Variants in CDH18 observed in about 807,000 individuals in gnomAD.
The protein encoded by CDH18 is cadherin-18.
A neutral mutation model predicts 67.9 loss-of-function variants in CDH18; 31 were observed. The observed-to-expected ratio is 0.46, with a 90% confidence interval of 0.34 to 0.62. The LOEUF (loss-of-function observed/expected upper bound fraction) is 0.62. Among genes scored for constraint, CDH18 ranks in the 20% least tolerant of loss-of-function variants. The probability of loss-of-function intolerance (pLI) is 0.01; values close to 1 mark genes in which losing one functional copy is unlikely to be tolerated. For synonymous variants in CDH18, 362 were observed against 347.2 expected, an observed-to-expected ratio of 1.04 and a Z score of -0.48; for missense variants, 890 against 975.5, an observed-to-expected ratio of 0.91 and a Z score of 1.17.
intron 2 of CDH18, among the ~76,000 whole-genome samples, chr5:20,001,089 A>G (rs1579998288): frequency 2.6e-5 from 4 of 152,340 alleles, no homozygotes; most frequent in Admixed American, 6.5e-5. Flanking sequence ...AGAGATTTAC[A>G]TATTCTACAG....
intron 1 of CDH18, among the ~76,000 whole-genome samples, chr5:20,462,419 A>C (rs1164441766): frequency 2.6e-5 from 4 of 152,158 alleles, no homozygotes; most frequent in African/African-American, 9.7e-5. Context: ...TACAAGTTCT[A>C]ATGTTTGATA....
At chr5:20,287,201 A>G (rs1224923869) in intron 1 of CDH18, among the ~76,000 whole-genome samples, 1 of 151,740 alleles carries the variant, frequency 6.6e-6, no homozygotes, top group Non-Finnish European at 1.5e-5. Context: ...TATTTCACTA[A>G]CCATTACTAT....
intron 5 of CDH18, among the ~76,000 whole-genome samples, chr5:19,619,200 T>C (rs964960659): frequency 2.0e-5 from 3 of 152,176 alleles, no homozygotes; most frequent in African/African-American, 7.2e-5. Context: ...CATTCATCAT[T>C]GGCAATTCGA....
At chr5:20,275,630 TG>T (rs1450274266) in intron 1 of CDH18, among the ~76,000 whole-genome samples, 2 of 151,934 alleles carry the variant, frequency 1.3e-5, no homozygotes, top group African/African-American at 4.8e-5. Flanking sequence ...AAGGGGGAGG[TG>T]GAGCAAGGTG....
intron 1 of CDH18, among the ~76,000 whole-genome samples, chr5:20,275,815 A>T (rs1745767771): frequency 6.6e-6 from 1 of 152,164 alleles, no homozygotes; most frequent in Non-Finnish European, 1.5e-5. Context: ...GACAGTCTTG[A>T]ATTGCTCCTA....
At position 20,392,343 on chromosome 5, in the gene CDH18, A is replaced by G. The variant is rs75929633; in HGVS notation, c.-579-136838T>C. 3.9e-3 allele frequency among the ~76,000 whole-genome samples: 590 copies of G among 151,930 alleles called. 8 individuals are homozygous for G. The highest frequency in any genetic ancestry group is 0.014 in the African/African-American group (564 of 41,528). ...CAATGTCAAACAAGAGAAATTATAG[A>G]AAAAAACTATTCATTTTTATGTTTA... On this transcript the variant is annotated intron_variant, in intron 1 of 14. Coordinates refer to the CDH18 transcript ENST00000507958.
intron 2 of CDH18, among the ~76,000 whole-genome samples, chr5:20,242,442 G>T (rs1184031351): frequency 1.3e-5 from 2 of 150,874 alleles, no homozygotes; most frequent in Admixed American, 1.3e-4. Flanking sequence ...AACTTTTAAA[G>T]ATTGCACATA....
chr5:20,227,356 T>C (rs1475330458), intron 2 of CDH18, among the ~76,000 whole-genome samples: 1 of 152,116 alleles, frequency 6.6e-6, no homozygotes, highest in Non-Finnish European at 1.5e-5. Context: ...CACAGTTTAT[T>C]TCCACACTCC....
chr5:19,798,474 A>C (rs957620190), intron 3 of CDH18, among the ~76,000 whole-genome samples: 18 of 152,060 alleles, frequency 1.2e-4, no homozygotes, highest in Admixed American at 6.6e-5. Flanking sequence ...CTCATACCTG[A>C]TAAGCATTTT....
chr5:19,560,311 A>G (rs1461761360), intron 8 of CDH18, among the ~76,000 whole-genome samples: 1 of 152,094 alleles, frequency 6.6e-6, no homozygotes, highest in Non-Finnish European at 1.5e-5. Flanking sequence ...GGTATAAAAA[A>G]TAGGCACATA....
chr5:19,979,215 AGTGTGTGTGTGT>A (rs113093535), intron 2 of CDH18, among the ~76,000 whole-genome samples: 1 of 146,944 alleles, frequency 6.8e-6, no homozygotes, highest in Non-Finnish European at 1.5e-5. Context: ...GTGGGGATGG[AGTGTGTGTGTGT>A]GTGTGTGTGT....
intron 1 of CDH18, among the ~76,000 whole-genome samples, chr5:20,468,036 A>G (rs1751778623): frequency 8.2e-6 from 1 of 121,380 alleles, no homozygotes; most frequent in Non-Finnish European, 1.8e-5. Flanking sequence ...TATTTTTGAG[A>G]CAGAGTCTAA....
intron 2 of CDH18, among the ~76,000 whole-genome samples, chr5:20,056,081 T>G (rs1741882824): frequency 7.1e-6 from 1 of 141,622 alleles, no homozygotes; most frequent in African/African-American, 2.6e-5. Context: ...CTTGGCTCAC[T>G]ATAACCTCTG....
In CDH18 at chr5:19,900,550, T is replaced by A. The variant is rs1407047249; in HGVS notation, c.-256-61308A>T. ...AATGTGTACATGTATTAAAACATCA[T>A]CTTGCACTTCATACATATGTACACT... On this transcript the variant is annotated intron_variant, in intron 2 of 12. Coordinates refer to ENST00000382275, the MANE Select transcript of CDH18 (RefSeq NM_004934.5). Among the ~76,000 whole-genome samples, 16 of 152,270 alleles carry A rather than the reference T, an allele frequency of 1.1e-4. No individual in the cohort carries two copies. The South Asian group carries it at 3.1e-3, about 30-fold the overall frequency.
intron 2 of CDH18, among the ~76,000 whole-genome samples, chr5:20,229,372 CCAAA>C (rs1741889564): frequency 6.6e-6 from 1 of 151,906 alleles, no homozygotes; most frequent in Non-Finnish European, 1.5e-5. Flanking sequence ...TTCTACATCC[CCAAA>C]CAAAGCCCCA....
chr5:19,589,928 G>T (rs960888573), intron 7 of CDH18, among the ~76,000 whole-genome samples: 1 of 152,008 alleles, frequency 6.6e-6, no homozygotes, highest in Admixed American at 6.6e-5. Flanking sequence ...CTGAATACCA[G>T]AAAGGATTAA....
intron 9 of CDH18, among the ~76,000 whole-genome samples, chr5:19,533,038 T>A (rs1259216391): frequency 6.6e-6 from 1 of 152,170 alleles, no homozygotes; most frequent in East Asian, 1.9e-4. Flanking sequence ...ACATTGCAGC[T>A]GCAGATTAAA....
At chr5:19,774,447 T>TA (rs370475987) in intron 3 of CDH18, among the ~76,000 whole-genome samples, 25 of 145,022 alleles carry the variant, frequency 1.7e-4, no homozygotes, top group East Asian at 1.0e-3. Context: ...TAAAATAAAA[T>TA]AAATAAATAA....
At chr5:20,013,763 CA>C (rs978041855) in intron 2 of CDH18, among the ~76,000 whole-genome samples, 35 of 151,710 alleles carry the variant, frequency 2.3e-4, no homozygotes, top group African/African-American at 9.7e-5. Context: ...TTAAGGGAAC[CA>C]AAAAAATATC....
Sources: gnomAD v4.1 joint callset for allele counts (sites outside exome capture counted in the v4.1 genomes callset) on GRCh38, gnomAD v4.1.1 for gene constraint, MANE v1.5 for transcripts, NCBI Gene and HGNC (gene_info 2026-07-23, HGNC 2026-07-21) for gene names.